SLC2A13: variants seen among roughly 807,000 people sequenced by gnomAD.
SLC2A13 encodes solute carrier family 2 member 13.
SLC2A13 carries 32 observed loss-of-function variants against 64.4 expected under a neutral mutation model. The observed-to-expected ratio is 0.50, with a 90% CI of 0.37 to 0.67. SLC2A13 has a LOEUF of 0.67. Among genes scored for constraint, SLC2A13 ranks in the 30% least tolerant of loss-of-function variants. The probability of loss-of-function intolerance (pLI) is 0.00; values close to 1 mark genes in which losing one functional copy is unlikely to be tolerated. For synonymous variants in SLC2A13, 338 were observed against 327.1 expected (o/e 1.03, Z -0.36); for missense variants, 743 against 829.2 (o/e 0.90, Z 1.28).
chr12:39,786,284 G>C (rs1214591179), intron 7 of SLC2A13, among the ~76,000 whole-genome samples: 1 of 151,996 alleles, frequency 6.6e-6, no homozygotes. Context: ...AGTCTCATGA[G>C]ATCTGATGGT....
chr12:39,931,842 A>C (rs1053270239), intron 4 of SLC2A13, among the ~76,000 whole-genome samples: 2 of 152,106 alleles, frequency 1.3e-5, no homozygotes, highest in African/African-American at 4.8e-5. Context: ...TAAATATCCA[A>C]ATTTAGTTGT....
intron 1 of SLC2A13, among the ~76,000 whole-genome samples, chr12:40,050,304 A>T (rs1291126564): frequency 1.3e-5 from 2 of 152,164 alleles, no homozygotes; most frequent in Non-Finnish European, 2.9e-5. Flanking sequence ...CCCAGATTTG[A>T]GCATGGGAAA....
intron 6 of SLC2A13, among the ~76,000 whole-genome samples, chr12:39,842,596 T>C (rs1208819469): frequency 6.6e-6 from 1 of 152,024 alleles, no homozygotes; most frequent in Non-Finnish European, 1.5e-5. Context: ...GATCACTCAC[T>C]ATAGCACATA....
At chr12:40,012,754 A>G (rs1947551344) in intron 3 of SLC2A13, among the ~76,000 whole-genome samples, 2 of 152,188 alleles carry the variant, frequency 1.3e-5, no homozygotes, top group Admixed American at 1.3e-4. Flanking sequence ...GTGGGTTATT[A>G]TATTGGTTCA....
chr12:39,843,712 G>A (rs1000503538), intron 6 of SLC2A13, among the ~76,000 whole-genome samples: 1 of 152,066 alleles, frequency 6.6e-6, no homozygotes, highest in African/African-American at 2.4e-5. Context: ...GAAGTGAGAG[G>A]TGGCATCCCA....
chr12:39,955,285 G>A (rs543118724), intron 3 of SLC2A13, among the ~76,000 whole-genome samples: 2 of 152,260 alleles, frequency 1.3e-5, no homozygotes, highest in South Asian at 4.1e-4. Context: ...AGAATATAAA[G>A]CTGAAAGAAT....
At chr12:39,811,435 CTTATT>C (rs1392987479) in intron 7 of SLC2A13, among the ~76,000 whole-genome samples, 6 of 151,994 alleles carry the variant, frequency 3.9e-5, no homozygotes, top group African/African-American at 4.8e-5. Flanking sequence ...TTCTAATATA[CTTATT>C]TTAAAGTATA....
At chr12:40,055,737 C>T (rs1034350808) in intron 1 of SLC2A13, among the ~76,000 whole-genome samples, 22 of 151,914 alleles carry the variant, frequency 1.4e-4, no homozygotes, top group African/African-American at 4.6e-4. Context: ...GAATAAAAAT[C>T]GCCTCTAATC....
chr12:39,790,621 G>A (rs1479667198), intron 7 of SLC2A13, among the ~76,000 whole-genome samples: 3 of 134,836 alleles, frequency 2.2e-5, no homozygotes, highest in African/African-American at 8.5e-5. Context: ...GTCTATGATT[G>A]TTGGACATTT....
At chr12:40,058,091 T>TAGATA (rs1565608710) in intron 1 of SLC2A13, among the ~76,000 whole-genome samples, 4 of 133,384 alleles carry the variant, frequency 3.0e-5, no homozygotes, top group South Asian at 2.3e-4. Context: ...ATAGATAGAT[T>TAGATA]GATTTACTAT....
At chr12:40,011,888 G>A (rs1947538131) in intron 3 of SLC2A13, among the ~76,000 whole-genome samples, 1 of 152,136 alleles carries the variant, frequency 6.6e-6, no homozygotes, top group African/African-American at 2.4e-5. Context: ...TAAACCAAGG[G>A]CAGGACCCTT....
In SLC2A13 at chr12:39,895,539, TATATATATATATAC is replaced by T. The variant is rs1224806173; in HGVS notation, c.1035-23592_1035-23579del. Among the ~76,000 whole-genome samples, 10 of 95,450 alleles carry T rather than the reference TATATATATATATAC, an allele frequency of 1.0e-4. 1 individual carries two copies. The highest frequency in any genetic ancestry group is 2.2e-4 in the Non-Finnish European group (10 of 46,362). The allele number at this position is 95,450 out of a possible 152,430, so 62.6% of individuals were successfully genotyped here. A position where few individuals can be genotyped will look rare whatever the true frequency, so the allele number is the denominator to read the frequency against. On this transcript the variant is annotated intron_variant, in intron 4 of 9. Coordinates refer to ENST00000280871, the MANE Select transcript of SLC2A13 (RefSeq NM_052885.4). ...TTATATATATATATATATATATATA[TATATATATATATAC>T]ACACACACACACACGTGTATATGTA...
rs28407539 is a variant in SLC2A13, at chr12:39,831,422, T to G, written c.1320-1194A>C. On this transcript the variant is annotated intron_variant, in intron 6 of 9. Transcript: ENST00000280871. ...TTACTGTGTACAAGTCGTGATACTA[T>G]GGGTTGTGAAAGGAGAAATAGGTCA... is the stretch of plus-strand genomic sequence containing the variant. Among the ~76,000 whole-genome samples, 8 of 152,296 alleles carry G rather than the reference T, an allele frequency of 5.3e-5. No individual in the cohort carries two copies. The East Asian group carries it at 1.2e-3, about 22-fold the overall frequency.
chr12:39,977,902 G>C (rs1363692294), intron 3 of SLC2A13, among the ~76,000 whole-genome samples: 2 of 152,190 alleles, frequency 1.3e-5, no homozygotes, highest in Non-Finnish European at 2.9e-5. Flanking sequence ...TACCAGAGAT[G>C]CCTCCCCTAA....
At chr12:39,903,802 CTTAAG>C (rs1216746578) in intron 4 of SLC2A13, among the ~76,000 whole-genome samples, 1 of 152,038 alleles carries the variant, frequency 6.6e-6, no homozygotes, top group Non-Finnish European at 1.5e-5. Context: ...TCCCATTTAG[CTTAAG>C]TTTTCTATCA....
chr12:39,886,288 C>T (rs531312102), intron 4 of SLC2A13, among the ~76,000 whole-genome samples: 1 of 152,004 alleles, frequency 6.6e-6, no homozygotes, highest in African/African-American at 2.4e-5. Flanking sequence ...ATATTGACAG[C>T]GCTGTGCCCT....
chr12:39,889,746 G>A (rs1944557069), intron 4 of SLC2A13, among the ~76,000 whole-genome samples: 1 of 151,858 alleles, frequency 6.6e-6, no homozygotes, highest in Non-Finnish European at 1.5e-5. Flanking sequence ...TGGCCAGGAT[G>A]GTCTTGATTT....
intron 4 of SLC2A13, among the ~76,000 whole-genome samples, chr12:39,946,259 T>A (rs1400919633): frequency 6.6e-6 from 1 of 152,152 alleles, no homozygotes; most frequent in African/African-American, 2.4e-5. Context: ...CAGTGGAGGT[T>A]GTGGGGAGCA....
chr12:39,978,589 C>T (rs1415529505), intron 3 of SLC2A13, among the ~76,000 whole-genome samples: 1 of 152,144 alleles, frequency 6.6e-6, no homozygotes, highest in African/African-American at 2.4e-5. Context: ...CGGGTCACTC[C>T]CACCCGAATA....
Sources: allele counts gnomAD v4.1 joint callset (sites outside exome capture counted in the v4.1 genomes callset), GRCh38; gene constraint gnomAD v4.1.1; transcripts MANE v1.5; gene names NCBI Gene and HGNC (gene_info 2026-07-23, HGNC 2026-07-21).